The following CACNA1C variants were observed in gnomAD, a reference collection of about 807,000 sequenced individuals.
CACNA1C encodes the protein voltage-dependent L-type calcium channel subunit alpha-1C.
In CACNA1C, 30 loss-of-function variants were observed where a neutral mutation model predicts 229.0. The observed-to-expected ratio is 0.13, with a 90% confidence interval of 0.10 to 0.18. The LOEUF is 0.18. Ranked by LOEUF, CACNA1C falls within the 10% of genes least tolerant of loss-of-function variation. The pLI is 1.00. For missense variants in CACNA1C, 1,658 were observed against 2,845.0 expected (o/e 0.58, Z 9.49); for synonymous variants, 1,114 against 1,132.5 (o/e 0.98, Z 0.33).
chr12:2,610,729 G>A (rs758633556), intron 28 of CACNA1C, 30 bp downstream of exon 28: 19 of 1,611,854 alleles, frequency 1.2e-5, no homozygotes, highest in Non-Finnish European at 1.6e-5. Context: ...CAGCCATGGT[G>A]CTGCAGAAGG....
intron 3 of CACNA1C, among the ~76,000 whole-genome samples, chr12:2,364,582 C>G (rs972607714): frequency 6.6e-6 from 1 of 152,202 alleles, no homozygotes; most frequent in Admixed American, 6.5e-5. Context: ...AAATTTCACT[C>G]GGCTAAAAGC....
intron 13 of CACNA1C, among the ~76,000 whole-genome samples, chr12:2,572,252 C>T (rs2054910996): frequency 6.6e-6 from 1 of 151,716 alleles, no homozygotes; most frequent in African/African-American, 2.4e-5. Context: ...GCTTTCTTCT[C>T]CTAAAATACT....
chr12:2,471,559 A>G (rs1416374625), intron 5 of CACNA1C, among the ~76,000 whole-genome samples: 1 of 152,128 alleles, frequency 6.6e-6, no homozygotes, highest in Non-Finnish European at 1.5e-5. Context: ...GTCTTTTGCC[A>G]TCCTCTTTTG....
chr12:2,023,566 T>G (rs919228686), intron 1 of CACNA1C, among the ~76,000 whole-genome samples: 17 of 152,154 alleles, frequency 1.1e-4, no homozygotes, highest in African/African-American at 4.1e-4. Context: ...CTCTCCTCAT[T>G]ATTTCCTCAG....
intron 3 of CACNA1C, among the ~76,000 whole-genome samples, chr12:2,203,689 C>G (rs2154324448): frequency 6.6e-6 from 1 of 151,750 alleles, no homozygotes; most frequent in East Asian, 1.9e-4. Context: ...GGGTCACCCA[C>G]CAGCCCCTCA....
At chr12:2,128,610 A>G (rs1202902097) in intron 3 of CACNA1C, among the ~76,000 whole-genome samples, 1 of 151,954 alleles carries the variant, frequency 6.6e-6, no homozygotes, top group Non-Finnish European at 1.5e-5. Context: ...ACGGGGTTTC[A>G]CCGTGTTAGT....
intron 3 of CACNA1C, among the ~76,000 whole-genome samples, chr12:2,187,920 A>T (rs1159816681): frequency 6.6e-6 from 1 of 152,216 alleles, no homozygotes; most frequent in Non-Finnish European, 1.5e-5. Flanking sequence ...GAGGGCGAGG[A>T]GGATGCCAGG....
At chr12:2,380,917 A>AG (rs1233134262) in intron 3 of CACNA1C, among the ~76,000 whole-genome samples, 1 of 152,204 alleles carries the variant, frequency 6.6e-6, no homozygotes, top group Non-Finnish European at 1.5e-5. Context: ...CACCTACGGA[A>AG]GGTGCAACCT....
chr12:2,424,416 G>T (rs1391748180), intron 3 of CACNA1C, among the ~76,000 whole-genome samples: 1 of 152,198 alleles, frequency 6.6e-6, no homozygotes, highest in African/African-American at 2.4e-5. Flanking sequence ...GGAGGAGCGT[G>T]TGTGAGGACA....
intron 3 of CACNA1C, among the ~76,000 whole-genome samples, chr12:2,352,196 G>A (rs1400638609): frequency 1.3e-5 from 2 of 152,104 alleles, no homozygotes; most frequent in African/African-American, 4.8e-5. Context: ...CCTGCACTGT[G>A]GGCCTTGGCA....
chr12:2,172,196 C>A (rs2096511342), intron 3 of CACNA1C, among the ~76,000 whole-genome samples: 1 of 152,192 alleles, frequency 6.6e-6, no homozygotes, highest in Admixed American at 6.5e-5. Flanking sequence ...CAACCAGGAG[C>A]TTGAGCGCAG....
At chr12:2,582,488 G>T (rs983839116) in intron 14 of CACNA1C, among the ~76,000 whole-genome samples, 3 of 152,188 alleles carry the variant, frequency 2.0e-5, no homozygotes, top group Non-Finnish European at 1.5e-5. Context: ...GGCTGTCTCA[G>T]CAAACACACA....
intron 3 of CACNA1C, among the ~76,000 whole-genome samples, chr12:2,230,933 G>C (rs188773442): frequency 2.0e-5 from 3 of 152,294 alleles, no homozygotes; most frequent in African/African-American, 7.2e-5. Context: ...TTGCTAACAG[G>C]TGTTGGGACA....
chr12:2,217,362 G>A (rs1027330869), intron 3 of CACNA1C: 5 of 152,148 alleles, frequency 3.3e-5, no homozygotes, highest in African/African-American at 9.7e-5. Context: ...CAATGTAAAT[G>A]TTTTTAATGC....
chr12:2,452,843 G>C (rs1028918131), intron 4 of CACNA1C, among the ~76,000 whole-genome samples: 1 of 152,172 alleles, frequency 6.6e-6, no homozygotes, highest in Non-Finnish European at 1.5e-5. Flanking sequence ...ACAAAATCTG[G>C]TTTGCATTTG....
chr12:2,483,710 G>A (rs1016165860), intron 5 of CACNA1C, among the ~76,000 whole-genome samples: 25 of 152,072 alleles, frequency 1.6e-4, no homozygotes, highest in African/African-American at 5.1e-4. Flanking sequence ...GGTGAGTGGC[G>A]TGACCCCCAG....
chr12:2,022,212 T>C (rs1219835763), intron 1 of CACNA1C, among the ~76,000 whole-genome samples: 1 of 152,212 alleles, frequency 6.6e-6, no homozygotes, highest in Non-Finnish European at 1.5e-5. Flanking sequence ...TGTGATGGAA[T>C]GGCCTCCTGT....
At chr12:2,326,617 C>T (rs935852700) in intron 3 of CACNA1C, among the ~76,000 whole-genome samples, 3 of 152,236 alleles carry the variant, frequency 2.0e-5, no homozygotes, top group African/African-American at 7.2e-5. Context: ...CCTCCTAGCT[C>T]TCGCCATGCT....
At chr12:2,073,554 G>A (rs958765657) in intron 1 of CACNA1C, among the ~76,000 whole-genome samples, 5 of 152,220 alleles carry the variant, frequency 3.3e-5, no homozygotes, top group African/African-American at 1.2e-4. Context: ...GGAGGAGAAC[G>A]GTCTTTAGGA....
Sources: allele counts gnomAD v4.1 joint callset (sites outside exome capture counted in the v4.1 genomes callset), GRCh38; gene constraint gnomAD v4.1.1; transcripts MANE v1.5; gene names NCBI Gene and HGNC (gene_info 2026-07-23, HGNC 2026-07-21).